HPCA: variants seen among roughly 807,000 people sequenced by gnomAD.
The protein encoded by HPCA is hippocalcin, also known as neuron-specific calcium-binding protein hippocalcin.
HPCA carries 4 observed loss-of-function variants against 18.2 expected under a neutral mutation model. The observed-to-expected ratio is 0.22, with a 90% CI of 0.11 to 0.50. The LOEUF (loss-of-function observed/expected upper bound fraction) is 0.50, where lower values mean the gene tolerates loss of function less well. HPCA is among the 20% of genes least tolerant of loss of function. The pLI is 0.97. For missense variants in HPCA, 161 were observed against 265.8 expected (o/e 0.61, Z 2.74); for synonymous variants, 93 against 103.5 (o/e 0.90, Z 0.61).
chr1:32,893,805 C>A lies in HPCA; in HGVS notation c.525C>A (p.Ser175Arg), dbSNP rs1324198645. Reference protein sequence around the residue: ...SLEEFIRGAKSDPSIVRLLQC... With the variant: ...SLEEFIRGAKRDPSIVRLLQC... ...AGGAGTTCATCCGCGGGGCCAAAAG[C>A]GACCCGTCCATCGTGCGTCTGCTGC... The change falls in exon 4 of 4, where the codon AGC becomes AGA. Residue 175 changes from serine (S) to arginine (R), a missense_variant. Physicochemically the swap from Ser to Arg is moderately radical, Grantham distance 110 (BLOSUM62 -1). Coordinates refer to ENST00000373467, the MANE Select transcript of HPCA (RefSeq NM_002143.3). The surrounding 1 kb of genome is among the most constrained non-coding windows in gnomAD (Gnocchi z 7.5). 1.3e-6 allele frequency: 2 copies of A among 1,581,230 alleles called. No individual in the cohort carries two copies. The highest frequency in any genetic ancestry group is 2.3e-5 in the East Asian group (1 of 42,586).
At position 32,894,560 on chromosome 1, in the gene HPCA, TC is replaced by T; in HGVS notation, c.*704del. 4.1e-6 allele frequency: 2 copies of T among 482,216 alleles called. No homozygotes were observed. The highest frequency in any genetic ancestry group is 3.2e-5 in the East Asian group (1 of 31,316). The allele number at this position is 482,216 out of a possible 1,614,324, so 29.9% of individuals were successfully genotyped here. A position where few individuals can be genotyped will look rare whatever the true frequency, so the allele number is the denominator to read the frequency against. On this transcript the variant is annotated 3_prime_UTR_variant, in exon 4 of 4. Coordinates refer to ENST00000373467, the MANE Select transcript of HPCA (RefSeq NM_002143.3). ...GGCTGAGCCCCTGTCCTCCCCTCTG[TC>T]CCCCCAACCGCCCCCCCTGCATGCA...
chr1:32,892,025 A>G (rs904094640), intron 2 of HPCA, among the ~76,000 whole-genome samples: 1 of 152,212 alleles, frequency 6.6e-6, no homozygotes, highest in African/African-American at 2.4e-5. Flanking sequence ...GTTTAGAAAT[A>G]GTGCATGTGA....
intron 2 of HPCA, among the ~76,000 whole-genome samples, chr1:32,891,164 T>C (rs1016842846): frequency 3.9e-5 from 6 of 152,246 alleles, no homozygotes; most frequent in African/African-American, 1.4e-4. Flanking sequence ...TCTGGTGGCC[T>C]CTGCTATCCA....
At position 32,893,980 on chromosome 1, in the gene HPCA, C is replaced by A; in HGVS notation, c.*118C>A. The stretch of plus-strand genomic sequence containing the variant: ...ATTGGGGAAGCCCTTCTCCCCGGGT[C>A]TGCCCTGTGGGGGGCTTCCGGAAAA... On this transcript the variant is annotated 3_prime_UTR_variant, in exon 4 of 4. Coordinates refer to ENST00000373467, the MANE Select transcript of HPCA (RefSeq NM_002143.3). This position sits in a 1 kb window ranked among gnomAD's most constrained non-coding sequence, Gnocchi z 7.5. The A allele has an allele frequency of 2.5e-6, 2 of 808,212 alleles. No homozygotes were observed. The highest frequency in any genetic ancestry group is 2.0e-6 in the Non-Finnish European group (1 of 507,302). 50.1% of individuals were successfully genotyped at this position (808,212 alleles called of 1,614,324 possible).
rs745770593 is a variant in HPCA at position 32,889,036 on chromosome 1, T to G, written c.138T>G (p.Asp46Glu). Residue 46 changes from aspartate (D) to glutamate (E), a missense_variant, in exon 2 of 4, where the codon GAT becomes GAG. Transcript: ENST00000373467. The surrounding 1 kb of genome is among the most constrained non-coding windows in gnomAD (Gnocchi z 4.6). ...KDCPTGILNVDEFKKIYANFF... is the reference protein window; with the variant it reads ...KDCPTGILNVEEFKKIYANFF... ...GCCCCACAGGAATCCTCAATGTGGA[T>G]GAGTTCAAGAAGATCTACGCCAACT... 1.9e-6 allele frequency: 3 copies of G among 1,614,152 alleles called. No individual in the cohort carries two copies. Among genetic ancestry groups the G allele is most frequent in the Non-Finnish European group, 2.5e-6 (3 of 1,180,018 alleles).
rs1256189901 is a variant in HPCA, at chr1:32,886,709, C to A, written c.-22+194C>A. Reference sequence around the variant, plus strand: ...GTCCTGACCGCCGAGTGGCCGGCCCCTAGGAACCGCGTTCGACCGCCCTGG... The same window carrying A: ...GTCCTGACCGCCGAGTGGCCGGCCCATAGGAACCGCGTTCGACCGCCCTGG... On this transcript the variant is annotated intron_variant, in intron 1 of 3. Coordinates refer to ENST00000373467, the MANE Select transcript of HPCA (RefSeq NM_002143.3). The surrounding 1 kb of genome is among the most constrained non-coding windows in gnomAD (Gnocchi z 7.0). Among the ~76,000 whole-genome samples the A allele has an allele frequency of 6.6e-6, 1 of 152,030 alleles. No homozygotes were observed. Among genetic ancestry groups the A allele is most frequent in the Admixed American group, 6.5e-5 (1 of 15,286 alleles).
Position 32,886,962 on chromosome 1 carries a change from G to A in HPCA, c.-22+447G>A, listed in dbSNP as rs1641380313. ...ACTCCGAGGGTGGCAGGGCCCAGGGGGCACTGGAGGAGCTCTCTTGCTCCG... is the reference window on the plus strand; with the variant it reads ...ACTCCGAGGGTGGCAGGGCCCAGGGAGCACTGGAGGAGCTCTCTTGCTCCG... On this transcript the variant is annotated intron_variant, in intron 1 of 3. Transcript: ENST00000373467. The surrounding 1 kb of genome is among the most constrained non-coding windows in gnomAD (Gnocchi z 7.0). Among the ~76,000 whole-genome samples, 2 of 152,180 alleles carry A rather than the reference G, an allele frequency of 1.3e-5. No individual in the cohort carries two copies. Among genetic ancestry groups the A allele is most frequent in the Non-Finnish European group, 2.9e-5 (2 of 68,020 alleles).
rs1176442598 is a variant in HPCA, at chr1:32,889,496, C to T, written c.378+220C>T. Among the ~76,000 whole-genome samples, 1 of 152,202 alleles carries T rather than the reference C, an allele frequency of 6.6e-6. No homozygotes were observed. Among genetic ancestry groups the T allele is most frequent in the Admixed American group, 6.5e-5 (1 of 15,282 alleles). The stretch of plus-strand genomic sequence containing the variant: ...CCAGATTCACCAATTAACATTTTCC[C>T]ACAGTTGCTTCATCATTATCAGTGT... On this transcript the variant is annotated intron_variant, in intron 2 of 3. Coordinates refer to ENST00000373467, the MANE Select transcript of HPCA (RefSeq NM_002143.3). The surrounding 1 kb of genome is among the most constrained non-coding windows in gnomAD (Gnocchi z 4.6).
In HPCA at chr1:32,889,326, C is replaced by T. The variant is rs1413455085; in HGVS notation, c.378+50C>T. On this transcript the variant is annotated intron_variant, in intron 2 of 3. Transcript: ENST00000373467. The surrounding 1 kb of genome is among the most constrained non-coding windows in gnomAD (Gnocchi z 4.6). ...GCCAGGCACAGGGCCCGGCAGCTTG[C>T]ACCCACCACCCCTTTTGATCCTCTC... The T allele has an allele frequency of 6.4e-7, 1 of 1,552,878 alleles. No individual in the cohort carries two copies. Among genetic ancestry groups the T allele is most frequent in the East Asian group, 2.3e-5 (1 of 44,316 alleles).
chr1:32,892,743 G>T (rs1641475572), intron 2 of HPCA, among the ~76,000 whole-genome samples: 1 of 152,220 alleles, frequency 6.6e-6, no homozygotes, highest in Non-Finnish European at 1.5e-5. Context: ...CTTGGAGGAA[G>T]TGTCGGTCGG....
In HPCA at chr1:32,889,359, C is replaced by T. The variant is rs549464083; in HGVS notation, c.378+83C>T. On this transcript the variant is annotated intron_variant, in intron 2 of 3. Coordinates refer to ENST00000373467, the MANE Select transcript of HPCA (RefSeq NM_002143.3). The surrounding 1 kb of genome is among the most constrained non-coding windows in gnomAD (Gnocchi z 4.6). ...ACCCCTTTTGATCCTCTCAGCAGACCTCGTAGGCATGTGGTGGCAGGGGAT... is the reference window on the plus strand; with the variant it reads ...ACCCCTTTTGATCCTCTCAGCAGACTTCGTAGGCATGTGGTGGCAGGGGAT... 5 of 1,402,082 alleles carry T rather than the reference C, an allele frequency of 3.6e-6. No homozygotes were observed. The East Asian group carries it at 1.2e-4, about 33-fold the overall frequency. The allele number at this position is 1,402,082 out of a possible 1,614,324, so 86.9% of individuals were successfully genotyped here. A position where few individuals can be genotyped will look rare whatever the true frequency, so the allele number is the denominator to read the frequency against.
chr1:32,893,682 C>CCCTCCCTG lies in HPCA; in HGVS notation c.484+61_484+68dup, dbSNP rs1208741160. The CCCTCCCTG allele has an allele frequency of 3.0e-6, 4 of 1,335,268 alleles. 1 individual carries two copies. In the South Asian group the frequency reaches 4.8e-5, roughly 16 times the overall value. 82.7% of individuals were successfully genotyped at this position (1,335,268 alleles called of 1,614,324 possible). On this transcript the variant is annotated intron_variant, in intron 3 of 3. Coordinates refer to ENST00000373467, the MANE Select transcript of HPCA (RefSeq NM_002143.3). This position sits in a 1 kb window ranked among gnomAD's most constrained non-coding sequence, Gnocchi z 7.5. ...ACGGGGCGGGCGCCTTTCCCTCCCTCCCTCCCTGCCTCCCTTTCCCGCTCC... is the reference window on the plus strand; with the variant it reads ...ACGGGGCGGGCGCCTTTCCCTCCCTCCCTCCCTGCCTCCCTGCCTCCCTTTCCCGCTCC...
chr1:32,886,119 G>C (rs1246413465), upstream of HPCA: 1 of 152,544 alleles, frequency 6.6e-6, no homozygotes, highest in African/African-American at 2.4e-5. The surrounding 1 kb of genome is among the most constrained non-coding windows in gnomAD (Gnocchi z 7.0). Context: ...TCAGAGCCCA[G>C]GTGGGTATGG....
At chr1:32,892,497 G>C (rs1353072249) in intron 2 of HPCA, among the ~76,000 whole-genome samples, 1 of 152,194 alleles carries the variant, frequency 6.6e-6, no homozygotes, top group African/African-American at 2.4e-5. Flanking sequence ...AAGGAGAAGT[G>C]GGAAGCAGCA....
Position 32,893,702 on chromosome 1 carries a change from C to A in HPCA, c.485-63C>A. On this transcript the variant is annotated intron_variant, in intron 3 of 3. Transcript: ENST00000373467. This position sits in a 1 kb window ranked among gnomAD's most constrained non-coding sequence, Gnocchi z 7.5. ...TCCCTCCCTCCCTGCCTCCCTTTCC[C>A]GCTCCGCCTCCCCTCGCTAGGCTGC... is the stretch of plus-strand genomic sequence containing the variant. The A allele has an allele frequency of 6.7e-7, 1 of 1,494,902 alleles. No individual in the cohort carries two copies. Among genetic ancestry groups the A allele is most frequent in the Non-Finnish European group, 9.2e-7 (1 of 1,084,440 alleles). 92.6% of individuals were successfully genotyped at this position (1,494,902 alleles called of 1,614,324 possible).
chr1:32,890,312 G>GATTT (rs1176158694), intron 2 of HPCA, among the ~76,000 whole-genome samples: 2 of 152,200 alleles, frequency 1.3e-5, no homozygotes, highest in Non-Finnish European at 2.9e-5. Flanking sequence ...TTAAGGACCG[G>GATTT]ATATAAATGC....
At position 32,889,918 on chromosome 1, in the gene HPCA, G is replaced by A. The variant is rs560469361; in HGVS notation, c.378+642G>A. On this transcript the variant is annotated intron_variant, in intron 2 of 3. Transcript: ENST00000373467. This position sits in a 1 kb window ranked among gnomAD's most constrained non-coding sequence, Gnocchi z 4.6. ...GATCCTCATTTACACCAGAGGAAACGGATGCTCAGAGAGATAAAGGCACTT... is the reference window on the plus strand; with the variant it reads ...GATCCTCATTTACACCAGAGGAAACAGATGCTCAGAGAGATAAAGGCACTT... Among the ~76,000 whole-genome samples, 7 of 152,170 alleles carry A rather than the reference G, an allele frequency of 4.6e-5. No individual in the cohort carries two copies. The highest frequency in any genetic ancestry group is 2.1e-4 in the South Asian group (1 of 4,828).
Position 32,893,637 on chromosome 1 carries a change from G to A in HPCA, c.484+8G>A, listed in dbSNP as rs760567691. 1 of 1,584,276 alleles carries A rather than the reference G, an allele frequency of 6.3e-7. No homozygotes were observed. Among genetic ancestry groups the A allele is most frequent in the Non-Finnish European group, 8.7e-7 (1 of 1,152,966 alleles). On this transcript the variant is annotated splice_region_variant and intron_variant, in intron 3 of 3. Transcript: ENST00000373467. The surrounding 1 kb of genome is among the most constrained non-coding windows in gnomAD (Gnocchi z 7.5). ...TGGACACAAACAACGACGGTGAGGGGCAGGGGCGGGACGGGGTGGACGGGG... is the reference window on the plus strand; with the variant it reads ...TGGACACAAACAACGACGGTGAGGGACAGGGGCGGGACGGGGTGGACGGGG...
rs571063409 is a variant in HPCA at position 32,891,626 on chromosome 1, T to C, written c.379-1898T>C. Among the ~76,000 whole-genome samples, 3 of 152,314 alleles carry C rather than the reference T, an allele frequency of 2.0e-5. No individual in the cohort carries two copies. The East Asian group carries it at 5.8e-4, about 29-fold the overall frequency. ...CTAGCCAGCCACGGTTCCTCACACA[T>C]AATCTCATTTAATCTGAGGAAACTG... On this transcript the variant is annotated intron_variant, in intron 2 of 3. Coordinates refer to ENST00000373467, the MANE Select transcript of HPCA (RefSeq NM_002143.3).
Sources: gnomAD v4.1 joint callset for allele counts (sites outside exome capture counted in the v4.1 genomes callset) on GRCh38, gnomAD v4.1.1 for gene constraint, Gnocchi (gnomAD v3.1) non-coding constraint, MANE v1.5 for transcripts, NCBI Gene and HGNC (gene_info 2026-07-23, HGNC 2026-07-21) for gene names.